The following UTRN variants were observed in gnomAD, a reference collection of about 807,000 sequenced individuals.
UTRN encodes utrophin.
UTRN carries 283 observed loss-of-function variants against 463.9 expected under a neutral mutation model. The observed-to-expected ratio is 0.61, with a 90% CI of 0.55 to 0.67. UTRN has a LOEUF of 0.67. UTRN is among the 30% of genes least tolerant of loss of function. The pLI, the probability that UTRN is intolerant of heterozygous loss-of-function variation, is 0.00. For synonymous variants in UTRN, 1,442 were observed against 1,431.5 expected (o/e 1.01, Z -0.17); for missense variants, 3,922 against 4,084.3 (o/e 0.96, Z 1.08).
chr6:144,782,025 A>C lies in UTRN; in HGVS notation c.8736A>C (p.Thr2912=). The change falls in exon 61 of 75, where the codon ACA becomes ACC. Residue 2912 remains threonine, a synonymous_variant. Coordinates refer to ENST00000367545, the MANE Select transcript of UTRN (RefSeq NM_007124.3). ...LSVPDVINCL[T]TTYDGLEQMH... is the part of the protein sequence containing the mutation. Reference sequence around the variant, plus strand: ...TTCCAGATGTCATCAACTGTCTGACAACAACTTATGATGGACTTGAGCAAA... The same window carrying C: ...TTCCAGATGTCATCAACTGTCTGACCACAACTTATGATGGACTTGAGCAAA... 1.2e-6 allele frequency: 2 copies of C among 1,614,076 alleles called. No individual in the cohort carries two copies. The highest frequency in any genetic ancestry group is 1.7e-6 in the Non-Finnish European group (2 of 1,179,972).
intron 7 of UTRN, among the ~76,000 whole-genome samples, chr6:144,428,500 T>C (rs1785505365): frequency 6.6e-6 from 1 of 151,896 alleles, no homozygotes; most frequent in Non-Finnish European, 1.5e-5. Flanking sequence ...TTCTACTCTT[T>C]GGGAAACATT....
intron 2 of UTRN, among the ~76,000 whole-genome samples, chr6:144,358,135 T>A (rs1233679795): frequency 1.3e-5 from 2 of 152,278 alleles, no homozygotes; most frequent in African/African-American, 4.8e-5. Flanking sequence ...GGTATTAGAC[T>A]ATATGGTAGT....
chr6:144,499,147 T>TG (rs1342010249), intron 33 of UTRN, 110 bp from the exon 34 acceptor site: 8 of 1,187,232 alleles, frequency 6.7e-6, no homozygotes, highest in Non-Finnish European at 9.3e-6. Context: ...ATGTATGTCT[T>TG]GGGGGTTATA....
chr6:144,719,621 G>T (rs1474241223), intron 53 of UTRN, among the ~76,000 whole-genome samples: 3 of 152,092 alleles, frequency 2.0e-5, no homozygotes, highest in Admixed American at 1.3e-4. Flanking sequence ...AAAGCCTTCT[G>T]AATTGCAAAG....
At chr6:144,638,900 C>T (rs1777474977) in intron 51 of UTRN, among the ~76,000 whole-genome samples, 1 of 151,886 alleles carries the variant, frequency 6.6e-6, no homozygotes, top group African/African-American at 2.4e-5. Flanking sequence ...TAACGAGACC[C>T]CGATCTCTAA....
intron 65 of UTRN, among the ~76,000 whole-genome samples, chr6:144,810,588 G>A (rs974721037): frequency 6.6e-6 from 1 of 151,996 alleles, no homozygotes; most frequent in African/African-American, 2.4e-5. Flanking sequence ...AGGTAATGGA[G>A]GAAATAGTAA....
chr6:144,476,387 T>G (rs774029406), intron 25 of UTRN, among the ~76,000 whole-genome samples: 2 of 151,884 alleles, frequency 1.3e-5, no homozygotes, highest in Non-Finnish European at 2.9e-5. Flanking sequence ...GAAGTAGTGA[T>G]GGAGGGCATG....
intron 64 of UTRN, among the ~76,000 whole-genome samples, chr6:144,800,433 C>G (rs1777603990): frequency 6.6e-6 from 1 of 152,058 alleles, no homozygotes; most frequent in African/African-American, 2.4e-5. Context: ...TCAAATTGAC[C>G]TGTAAATGTC....
At chr6:144,688,714 G>A (rs1292130737) in intron 52 of UTRN, among the ~76,000 whole-genome samples, 1 of 152,086 alleles carries the variant, frequency 6.6e-6, no homozygotes, top group East Asian at 1.9e-4. Context: ...AATGTGCTTG[G>A]TGTGTGAGTG....
At chr6:144,419,727 T>G (rs1784663509) in intron 3 of UTRN, among the ~76,000 whole-genome samples, 1 of 152,206 alleles carries the variant, frequency 6.6e-6, no homozygotes, top group Non-Finnish European at 1.5e-5. Flanking sequence ...TCAGCTCCTG[T>G]CTGAAGCCTT....
rs756899930 is a variant in UTRN, at chr6:144,485,563, A to G, written c.3822+44A>G. Reference sequence around the variant, plus strand: ...CACGGCATTTCTCTTTGCTGTGATGAGGCCACACGTGTATTACAATGAGGA... The same window carrying G: ...CACGGCATTTCTCTTTGCTGTGATGGGGCCACACGTGTATTACAATGAGGA... On this transcript the variant is annotated intron_variant, in intron 28 of 74. Transcript: ENST00000367545. 4 of 1,611,610 alleles carry G rather than the reference A, an allele frequency of 2.5e-6. 1 individual carries two copies. In the South Asian group the frequency reaches 4.4e-5, roughly 18 times the overall value.
chr6:144,517,007 AGAT>A, intron 39 of UTRN, 59 bp downstream of exon 39: 2 of 1,346,878 alleles, frequency 1.5e-6, no homozygotes, highest in African/African-American at 3.0e-5. Context: ...CTTGCCATTC[AGAT>A]GTGTGATGCT....
At chr6:144,546,023 G>A (rs537387615) in intron 46 of UTRN, among the ~76,000 whole-genome samples, 1 of 152,262 alleles carries the variant, frequency 6.6e-6, no homozygotes, top group Non-Finnish European at 1.5e-5. Flanking sequence ...TCTCATGCCT[G>A]CAGCGTCTAG....
chr6:144,631,126 C>T (rs1353708288), intron 51 of UTRN, among the ~76,000 whole-genome samples: 2 of 151,886 alleles, frequency 1.3e-5, no homozygotes, highest in Non-Finnish European at 2.9e-5. Context: ...AAGTGATATT[C>T]CCTTCTAGTA....
intron 58 of UTRN, among the ~76,000 whole-genome samples, chr6:144,769,285 T>TAA (rs369228768): frequency 2.0e-4 from 30 of 149,130 alleles, no homozygotes; most frequent in African/African-American, 7.3e-4. Context: ...TCCCCCGACT[T>TAA]AAAAAAAAAA....
At chr6:144,311,005 C>T (rs1699211525) in intron 2 of UTRN, among the ~76,000 whole-genome samples, 1 of 152,166 alleles carries the variant, frequency 6.6e-6, no homozygotes, top group African/African-American at 2.4e-5. Flanking sequence ...AGCGTGGTTG[C>T]CAACTGCCTT....
At chr6:144,453,633 A>G (rs780786141) in intron 18 of UTRN, 149 bp from the exon 19 acceptor site, 6 of 564,278 alleles carry the variant, frequency 1.1e-5, no homozygotes, top group South Asian at 1.0e-4. Context: ...AAAGAAACCA[A>G]TGCTTTTTAG....
Position 144,782,051 on chromosome 6 carries a change from T to C in UTRN, c.8762T>C (p.Met2921Thr). The change falls in exon 61 of 75, where the codon ATG (methionine) becomes ACG (threonine). Residue 2921 changes from methionine (M) to threonine (T), a missense_variant. This residue lies in a region of UTRN where 1,309 missense variants were observed against 1,452.6 expected (regional missense o/e 0.90). Coordinates refer to ENST00000367545, the MANE Select transcript of UTRN (RefSeq NM_007124.3). ...LTTTYDGLEQ[M>T]HKDLVNVPLC... Reference sequence around the variant, plus strand: ...ACAACTTATGATGGACTTGAGCAAATGCATAAGGACCTGGTCAACGTTCCA... The same window carrying C: ...ACAACTTATGATGGACTTGAGCAAACGCATAAGGACCTGGTCAACGTTCCA... 2 of 1,614,054 alleles carry C rather than the reference T, an allele frequency of 1.2e-6. No homozygotes were observed. The highest frequency in any genetic ancestry group is 1.7e-6 in the Non-Finnish European group (2 of 1,179,972).
chr6:144,551,016 A>G lies in UTRN; in HGVS notation c.6862A>G (p.Thr2288Ala). The stretch of plus-strand genomic sequence containing the variant: ...CCATCCTCAGCTGGATTATGTTTTT[A>G]CATTGGCACAGAATTTGAAAAATAA... ...QRHPQLDYVF[T>A]LAQNLKNKAS... Residue 2288 changes from threonine to alanine, a missense_variant, in exon 48 of 75, where the codon ACA (threonine) becomes GCA (alanine). Coordinates refer to ENST00000367545, the MANE Select transcript of UTRN (RefSeq NM_007124.3). 2.5e-6 allele frequency: 4 copies of G among 1,612,732 alleles called. No individual in the cohort carries two copies. Among genetic ancestry groups the G allele is most frequent in the Non-Finnish European group, 3.4e-6 (4 of 1,179,656 alleles).
Sources: gnomAD v4.1 joint callset for allele counts (sites outside exome capture counted in the v4.1 genomes callset) on GRCh38, gnomAD v4.1.1 for gene constraint, gnomAD v4.1.1 regional missense constraint, MANE v1.5 for transcripts, NCBI Gene and HGNC (gene_info 2026-07-23, HGNC 2026-07-21) for gene names.